PUDP: variants seen among roughly 807,000 people sequenced by gnomAD.
The protein encoded by PUDP is pseudouridine 5'-phosphatase, also known as pseudouridine-5'-phosphatase.
In PUDP, 8 loss-of-function variants were observed where a neutral mutation model predicts 9.4. The observed-to-expected ratio is 0.85, with a 90% CI of 0.50 to 1.53. The LOEUF (loss-of-function observed/expected upper bound fraction) is 1.53. Among genes scored for constraint, PUDP ranks in the 40% most tolerant of loss-of-function variants. The pLI, the probability that PUDP is intolerant of heterozygous loss-of-function variation, is 0.00. For synonymous variants in PUDP, 99 were observed against 80.7 expected (o/e 1.23, Z -1.22); for missense variants, 188 against 189.7 (o/e 0.99, Z 0.05).
chrX:6,953,941 T>C (rs1928589468), intron 3 of PUDP, among the ~76,000 whole-genome samples: 1 of 111,057 alleles, frequency 9.0e-6, no homozygotes, highest in Non-Finnish European at 1.9e-5. Flanking sequence ...GTTATCTCCA[T>C]GCTTTTCTCA....
chrX:6,918,772 G>C (rs965036293), intron 3 of PUDP, among the ~76,000 whole-genome samples: 6 of 112,031 alleles, frequency 5.4e-5, no homozygotes, highest in African/African-American at 1.9e-4. Flanking sequence ...ATTCATGAGG[G>C]CTCTGCCCTC....
chrX:6,784,780 A>C (rs938995233), intron 3 of PUDP, among the ~76,000 whole-genome samples: 12 of 112,303 alleles, frequency 1.1e-4, no homozygotes, highest in African/African-American at 3.9e-4. Flanking sequence ...TTGTCAGATC[A>C]ATGATTAATC....
chrX:6,727,074 A>G (rs1041045589), intron 3 of PUDP, among the ~76,000 whole-genome samples: 3 of 111,497 alleles, frequency 2.7e-5, no homozygotes, highest in African/African-American at 9.8e-5. Flanking sequence ...ATATTTGAAA[A>G]TTTTTTCTTG....
chrX:6,715,507 G>A (rs1244694374), intron 1 of PUDP, among the ~76,000 whole-genome samples: 3 of 111,938 alleles, frequency 2.7e-5, no homozygotes, highest in East Asian at 2.8e-4. Flanking sequence ...GATACATGCC[G>A]GTATATTACC....
Position 6,741,806 on chromosome X carries a change from ATCTCTC to A in PUDP, c.*248-35346_*248-35341del, listed in dbSNP as rs745363071. Reference sequence around the variant, plus strand: ...TGTATAAAGATTTCTCTCTTTTTAAATCTCTCTCTCTCTCTCTCTCTCTCTTTCTTT... The same window carrying A: ...TGTATAAAGATTTCTCTCTTTTTAAATCTCTCTCTCTCTCTCTCTTTCTTT... On this transcript the variant is annotated intron_variant and NMD_transcript_variant, in intron 3 of 3. Coordinates refer to the PUDP transcript ENST00000655425. Among the ~76,000 whole-genome samples the A allele has an allele frequency of 2.5e-3, 257 of 100,943 alleles. 4 individuals carry two copies. The highest frequency in any genetic ancestry group is 8.3e-3 in the African/African-American group (224 of 26,968). The allele number at this position is 100,943 out of a possible 115,157, so 87.7% of individuals were successfully genotyped here.
intron 3 of PUDP, among the ~76,000 whole-genome samples, chrX:6,966,006 C>A (rs992003972): frequency 9.0e-6 from 1 of 110,607 alleles, no homozygotes; most frequent in Non-Finnish European, 1.9e-5. Flanking sequence ...CCAGACAGGA[C>A]ATAATTTGCA....
intron 3 of PUDP, among the ~76,000 whole-genome samples, chrX:6,861,342 T>C (rs1926998256): frequency 1.8e-5 from 2 of 111,420 alleles, no homozygotes. Flanking sequence ...CACTGCAAGA[T>C]GAGGAGGCTT....
intron 3 of PUDP, among the ~76,000 whole-genome samples, chrX:6,801,575 C>G (rs974071999): frequency 5.1e-4 from 57 of 111,385 alleles, no homozygotes; most frequent in African/African-American, 1.8e-3. Context: ...CAGTCCCCCT[C>G]GCCACACACA....
intron 1 of PUDP, among the ~76,000 whole-genome samples, chrX:7,137,502 G>A (rs749859686): frequency 9.0e-6 from 1 of 111,530 alleles, no homozygotes; most frequent in Admixed American, 9.5e-5. Flanking sequence ...AGCCGAGATC[G>A]CACCACTGCA....
chrX:6,877,285 G>A (rs1176294477), intron 3 of PUDP, among the ~76,000 whole-genome samples: 1 of 111,000 alleles, frequency 9.0e-6, no homozygotes, highest in African/African-American at 3.3e-5. Flanking sequence ...TTAAACTCCT[G>A]TACTTTTGGG....
At chrX:7,120,198 CT>C (rs1932303482) in intron 1 of PUDP, among the ~76,000 whole-genome samples, 1 of 111,944 alleles carries the variant, frequency 8.9e-6, no homozygotes, top group Non-Finnish European at 1.9e-5. Flanking sequence ...TTCCCAGAAC[CT>C]GTGAATGTTA....
intron 3 of PUDP, among the ~76,000 whole-genome samples, chrX:6,968,764 C>T (rs1928825613): frequency 9.0e-6 from 1 of 110,934 alleles, no homozygotes; most frequent in South Asian, 3.9e-4. Context: ...GGACTACAGG[C>T]ACGTGCCACC....
chrX:7,003,685 C>A (rs1929360895), intron 1 of PUDP, among the ~76,000 whole-genome samples: 1 of 111,613 alleles, frequency 9.0e-6, no homozygotes, highest in Non-Finnish European at 1.9e-5. Context: ...TACATCTCTG[C>A]CCCAGGCAAT....
At chrX:6,925,230 G>A (rs1380563712) in intron 3 of PUDP, among the ~76,000 whole-genome samples, 2 of 111,868 alleles carry the variant, frequency 1.8e-5, no homozygotes, top group East Asian at 2.8e-4. Context: ...CAGGAGAATC[G>A]CCTGAACCTG....
chrX:7,064,867 G>A (rs180906496), intron 3 of PUDP, among the ~76,000 whole-genome samples: 13 of 111,889 alleles, frequency 1.2e-4, no homozygotes, highest in Non-Finnish European at 1.9e-5. Flanking sequence ...TTAAGGCTCG[G>A]TAATAGATTT....
chrX:7,072,541 C>T (rs1930767886), intron 3 of PUDP, among the ~76,000 whole-genome samples: 1 of 111,803 alleles, frequency 8.9e-6, no homozygotes, highest in African/African-American at 3.3e-5. Context: ...CCAGCCGGAA[C>T]AGTGGCTCAC....
intron 3 of PUDP, among the ~76,000 whole-genome samples, chrX:6,742,581 C>A (rs1179763931): frequency 8.9e-6 from 1 of 111,758 alleles, no homozygotes. Flanking sequence ...CCAGCCTGGG[C>A]AAGATATTTT....
At chrX:6,790,920 A>G (rs982180314) in intron 3 of PUDP, among the ~76,000 whole-genome samples, 2 of 112,125 alleles carry the variant, frequency 1.8e-5, no homozygotes, top group Non-Finnish European at 3.8e-5. Flanking sequence ...TTTACACACA[A>G]AAAGACCTGT....
chrX:6,964,105 C>T (rs1411161290), intron 3 of PUDP, among the ~76,000 whole-genome samples: 1 of 112,052 alleles, frequency 8.9e-6, no homozygotes, highest in Non-Finnish European at 1.9e-5. Flanking sequence ...CAACACGGGG[C>T]TTTATTTACA....
Sources: gnomAD v4.1 joint callset for allele counts (sites outside exome capture counted in the v4.1 genomes callset) on GRCh38, gnomAD v4.1.1 for gene constraint, MANE v1.5 for transcripts, NCBI Gene and HGNC (gene_info 2026-07-23, HGNC 2026-07-21) for gene names.